Variants in PKHD1L1 observed in about 807,000 individuals in gnomAD.
The protein encoded by PKHD1L1 is fibrocystin-L.
Under a neutral mutation model 462.9 loss-of-function variants are expected in PKHD1L1, and 434 were observed. That is an observed-to-expected ratio of 0.94 (90% confidence interval 0.87 to 1.02). The LOEUF is 1.02. Among genes scored for constraint, PKHD1L1 ranks in the 50% least tolerant of loss-of-function variants. The pLI is 0.00. For synonymous variants in PKHD1L1, 1,781 were observed against 1,750.0 expected (o/e 1.02, Z -0.44); for missense variants, 5,202 against 5,096.1 (o/e 1.02, Z -0.63).
At position 109,508,182 on chromosome 8, in the gene PKHD1L1, T is replaced by G. The variant is rs1376670868; in HGVS notation, c.11313T>G (p.Ile3771Met). The change falls in exon 70 of 78, where the codon ATT becomes ATG. Residue 3771 changes from isoleucine (I) to methionine (M), a missense_variant. Transcript: ENST00000378402. ...CFGMEYAMMV[I>M]ESLDPDTETR... ...GGATGGAATATGCAATGATGGTTAT[T>G]GAAAGTCTGGATCCTGACACAGAAA... 1.2e-6 allele frequency: 2 copies of G among 1,613,252 alleles called. No individual in the cohort carries two copies. The highest frequency in any genetic ancestry group is 1.7e-6 in the Non-Finnish European group (2 of 1,179,458).
intron 21 of PKHD1L1, 124 bp from the exon 22 acceptor site, chr8:109,418,973 G>C (rs532217788): frequency 1.3e-6 from 1 of 753,586 alleles, no homozygotes; most frequent in African/African-American, 1.8e-5. Flanking sequence ...TGCTAATAAA[G>C]CTCCCCTGAT....
Position 109,522,228 on chromosome 8 carries a change from T to A in PKHD1L1, c.12074T>A (p.Leu4025His). The A allele has an allele frequency of 6.2e-7, 1 of 1,605,064 alleles. No homozygotes were observed. The highest frequency in any genetic ancestry group is 8.5e-7 in the Non-Finnish European group (1 of 1,172,678). Residue 4025 changes from leucine (L) to histidine (H), a missense_variant, in exon 74 of 78, where the codon CTT becomes CAT. Leu to His is a moderately conservative substitution (Grantham distance 99). Around this residue, in one of 3 missense-constraint regions of PKHD1L1, gnomAD observed 698 missense variants for 736.3 expected, o/e 0.95. Coordinates refer to ENST00000378402, the MANE Select transcript of PKHD1L1 (RefSeq NM_177531.6). ...LSELQEIAGS[L>H]GQAVILGNIS... is the part of the protein sequence containing the mutation. ...GAACTCCAGGAAATTGCTGGTTCTC[T>A]TGGACAAGCTGTAATTTTAGGAAAC...
chr8:109,449,271 A>G (rs574427743), intron 39 of PKHD1L1, 67 bp from the exon 40 acceptor site: 10 of 1,414,118 alleles, frequency 7.1e-6, no homozygotes, highest in Non-Finnish European at 9.4e-6. Flanking sequence ...TAAAGGTAAA[A>G]AATATGTACA....
chr8:109,426,245 T>G (rs1341336852), intron 24 of PKHD1L1, among the ~76,000 whole-genome samples: 1 of 152,042 alleles, frequency 6.6e-6, no homozygotes, highest in Non-Finnish European at 1.5e-5. Flanking sequence ...TGTTATTAAT[T>G]TAATCAAAAT....
chr8:109,495,802 TAAGTAC>T (rs1819051710), intron 63 of PKHD1L1, among the ~76,000 whole-genome samples: 1 of 152,064 alleles, frequency 6.6e-6, no homozygotes, highest in South Asian at 2.1e-4. Flanking sequence ...GAGCTGGTAT[TAAGTAC>T]AATTTAGGAG....
rs1462039638 is a variant in PKHD1L1, at chr8:109,425,065, A to G, written c.2698-20A>G. On this transcript the variant is annotated intron_variant, in intron 23 of 77. Coordinates refer to ENST00000378402, the MANE Select transcript of PKHD1L1 (RefSeq NM_177531.6). ...ATTGTTAAGTTTAATCATTTTATCAATATTTATTTTGGAAATTAGATAATC... is the reference window on the plus strand; with the variant it reads ...ATTGTTAAGTTTAATCATTTTATCAGTATTTATTTTGGAAATTAGATAATC... The G allele has an allele frequency of 2.6e-6, 4 of 1,535,196 alleles. No individual in the cohort carries two copies. The highest frequency in any genetic ancestry group is 2.1e-5 in the Admixed American group (1 of 48,190).
Position 109,529,035 on chromosome 8 carries a change from G to A in PKHD1L1, c.12722-1045G>A, listed in dbSNP as rs911806112. On this transcript the variant is annotated intron_variant, in intron 77 of 77. Coordinates refer to ENST00000378402, the MANE Select transcript of PKHD1L1 (RefSeq NM_177531.6). ...TAAAGTCGAGGAAGAATTTGAGGTG[G>A]GGTAACAATTTAGAAGAATACTAAA... 3.9e-5 allele frequency among the ~76,000 whole-genome samples: 6 copies of A among 152,066 alleles called. 1 individual carries two copies. Among genetic ancestry groups the A allele is most frequent in the Non-Finnish European group, 8.8e-5 (6 of 68,014 alleles).
At chr8:109,415,001 A>C (rs866655558) in intron 21 of PKHD1L1, among the ~76,000 whole-genome samples, 1 of 125,786 alleles carries the variant, frequency 8.0e-6, no homozygotes, top group Non-Finnish European at 1.6e-5. Context: ...TATTATTATT[A>C]TTATTATTAT....
intron 66 of PKHD1L1, 39 bp from the exon 67 acceptor site, chr8:109,498,616 A>C (rs766105865): frequency 1.2e-6 from 2 of 1,609,424 alleles, no homozygotes; most frequent in Non-Finnish European, 1.7e-6. Flanking sequence ...ATATGAGTGC[A>C]TATTCAATTT....
intron 72 of PKHD1L1, 86 bp downstream of exon 72, chr8:109,515,391 C>A: frequency 9.1e-7 from 1 of 1,101,382 alleles, no homozygotes. Flanking sequence ...ATTTTTAATT[C>A]CTTATCTATC....
At chr8:109,491,232 T>A in intron 61 of PKHD1L1, 131 bp downstream of exon 61, 1 of 923,446 alleles carries the variant, frequency 1.1e-6, no homozygotes, top group Non-Finnish European at 1.5e-6. Context: ...CTGTCTAATA[T>A]AGTAATTACT....
At chr8:109,362,710 C>G (rs1192848285) in intron 1 of PKHD1L1, 57 bp downstream of exon 1, 1 of 1,533,340 alleles carries the variant, frequency 6.5e-7, no homozygotes, top group African/African-American at 1.4e-5. Context: ...AGACACTACC[C>G]CTGCTCCCGG....
At chr8:109,515,101 G>A in intron 71 of PKHD1L1, 69 bp from the exon 72 acceptor site, 1 of 1,227,346 alleles carries the variant, frequency 8.1e-7, no homozygotes, top group Non-Finnish European at 1.1e-6. Flanking sequence ...AATATTGAAG[G>A]ACGGTTTAAG....
chr8:109,364,520 C>T, intron 1 of PKHD1L1, 27 bp from the exon 2 acceptor site: 4 of 1,455,692 alleles, frequency 2.7e-6, no homozygotes, highest in Non-Finnish European at 3.8e-6. Flanking sequence ...GTGATTTTTA[C>T]CTCTACTGTA....
intron 24 of PKHD1L1, among the ~76,000 whole-genome samples, chr8:109,426,789 A>AG (rs1416507602): frequency 6.6e-6 from 1 of 152,104 alleles, no homozygotes; most frequent in African/African-American, 2.4e-5. Flanking sequence ...AGTAGCTGGG[A>AG]TTACAGGCAC....
rs774556609 is a variant in PKHD1L1 at position 109,536,984 on chromosome 8, T to C, written c.*6894T>C. On this transcript the variant is annotated 3_prime_UTR_variant, in exon 78 of 78. Coordinates refer to ENST00000378402, the MANE Select transcript of PKHD1L1 (RefSeq NM_177531.6). ...GTTATAATTTTCCAGAATATTAATGTTTATTATTTTGAAAGCAAGTAAAAT... is the reference window on the plus strand; with the variant it reads ...GTTATAATTTTCCAGAATATTAATGCTTATTATTTTGAAAGCAAGTAAAAT... Among the ~76,000 whole-genome samples the C allele has an allele frequency of 6.6e-6, 1 of 152,216 alleles. No individual in the cohort carries two copies. Among genetic ancestry groups the C allele is most frequent in the Non-Finnish European group, 1.5e-5 (1 of 68,032 alleles).
At position 109,465,432 on chromosome 8, in the gene PKHD1L1, A is replaced by G. The variant is rs141159273; in HGVS notation, c.8413+187A>G. On this transcript the variant is annotated intron_variant, in intron 49 of 77. Transcript: ENST00000378402. ...GACATTCGTTTCTGGAAGAGCCCCA[A>G]TCTGTCAGAGACAGCCTCCAAATAT... Among the ~76,000 whole-genome samples, 91 of 152,278 alleles carry G rather than the reference A, an allele frequency of 6.0e-4. No homozygotes were observed. The East Asian group carries it at 0.014, about 23-fold the overall frequency.
rs1280915951 is a variant in PKHD1L1, at chr8:109,429,930, A to T, written c.3124-2A>T. The stretch of plus-strand genomic sequence containing the variant: ...TGTAGCTTCTTGTTTCTTTACTTGA[A>T]GGTTGAAGTCTATGTCAATGGAATT... On this transcript the variant is annotated splice_acceptor_variant, in intron 26 of 77. Transcript: ENST00000378402. LOFTEE classifies it high-confidence loss of function. 6.2e-7 allele frequency: 1 copy of T among 1,604,742 alleles called. No individual in the cohort carries two copies. The highest frequency in any genetic ancestry group is 2.2e-5 in the East Asian group (1 of 44,678).
chr8:109,478,155 A>C (rs546866140), intron 53 of PKHD1L1, among the ~76,000 whole-genome samples: 2 of 152,304 alleles, frequency 1.3e-5, no homozygotes, highest in South Asian at 4.1e-4. Context: ...AGTACAACTC[A>C]ATGATAATTA....
Sources: gnomAD v4.1 joint callset for allele counts (sites outside exome capture counted in the v4.1 genomes callset) on GRCh38, gnomAD v4.1.1 for gene constraint, gnomAD v4.1.1 regional missense constraint, MANE v1.5 for transcripts, NCBI Gene and HGNC (gene_info 2026-07-23, HGNC 2026-07-21) for gene names.